KALRN: variants seen among roughly 807,000 people sequenced by gnomAD.
KALRN encodes kalirin RhoGEF kinase.
Under a neutral mutation model 353.7 loss-of-function variants are expected in KALRN, and 70 were observed. That is an observed-to-expected ratio of 0.20 (90% CI 0.16 to 0.24). The LOEUF is 0.24. Ranked by LOEUF, KALRN falls within the 10% of genes least tolerant of loss-of-function variation. KALRN has a pLI of 1.00. For missense variants in KALRN, 2,791 were observed against 3,756.7 expected (o/e 0.74, Z 6.72); for synonymous variants, 1,391 against 1,434.8 (o/e 0.97, Z 0.69).
intron 1 of KALRN, among the ~76,000 whole-genome samples, chr3:124,199,923 C>A (rs893054093): frequency 6.6e-5 from 10 of 152,174 alleles, no homozygotes; most frequent in African/African-American, 2.4e-4. Context: ...AGCATCCTAC[C>A]AAGATGCATG....
At chr3:124,193,157 G>A (rs1352370165) in intron 1 of KALRN, among the ~76,000 whole-genome samples, 1 of 152,178 alleles carries the variant, frequency 6.6e-6, no homozygotes, top group Non-Finnish European at 1.5e-5. Flanking sequence ...GCCAACCCCT[G>A]TAGACTGCAT....
intron 33 of KALRN, among the ~76,000 whole-genome samples, chr3:124,517,682 C>G (rs1250639860): frequency 2.0e-5 from 3 of 152,182 alleles, no homozygotes; most frequent in African/African-American, 7.2e-5. Context: ...CTCGTTCACT[C>G]TCTCACTCAG....
intron 27 of KALRN, among the ~76,000 whole-genome samples, chr3:124,479,319 C>G (rs930814846): frequency 6.6e-6 from 1 of 152,196 alleles, no homozygotes; most frequent in Non-Finnish European, 1.5e-5. Context: ...AGCCACAAAA[C>G]CAGTCCAGTA....
At chr3:124,357,565 C>T (rs1039798864) in intron 10 of KALRN, among the ~76,000 whole-genome samples, 3 of 152,214 alleles carry the variant, frequency 2.0e-5, no homozygotes, top group Non-Finnish European at 2.9e-5. Context: ...AGTCTCAATG[C>T]TGTCTCCTTA....
Position 124,214,168 on chromosome 3 carries a change from CACACAA to C in KALRN, c.74-13816_74-13811del, listed in dbSNP as rs1275994497. 2.0e-5 allele frequency among the ~76,000 whole-genome samples: 3 copies of C among 152,058 alleles called. No individual in the cohort carries two copies. The East Asian group carries it at 5.8e-4, about 29-fold the overall frequency. On this transcript the variant is annotated intron_variant, in intron 1 of 59. Transcript: ENST00000682506. ...TGTATATATATATGGTTTTTATACACACACAAACACAGACACTGTATGCACAATTGA... is the reference window on the plus strand; with the variant it reads ...TGTATATATATATGGTTTTTATACACACACAGACACTGTATGCACAATTGA...
chr3:124,411,433 CTTTTTTTTTTTT>C (rs61485429), intron 13 of KALRN, among the ~76,000 whole-genome samples: 20 of 51,480 alleles, frequency 3.9e-4, no homozygotes, highest in African/African-American at 8.8e-4. Flanking sequence ...TTAAATTATG[CTTTTTTTTTTTT>C]TTTTTTTTTT....
intron 10 of KALRN, chr3:124,384,589 C>A (rs529773510): frequency 5.4e-6 from 2 of 371,884 alleles, no homozygotes; most frequent in African/African-American, 4.1e-5. Context: ...TCTCTACGCT[C>A]TCCCCACTTC....
chr3:124,688,698 A>C (rs1176857689), intron 51 of KALRN, among the ~76,000 whole-genome samples: 1 of 152,156 alleles, frequency 6.6e-6, no homozygotes, highest in African/African-American at 2.4e-5. Context: ...GAATTTGGGA[A>C]AAATGGGAGT....
intron 20 of KALRN, 121 bp downstream of exon 20, chr3:124,446,397 A>G: frequency 1.5e-6 from 1 of 688,692 alleles, no homozygotes; most frequent in Non-Finnish European, 2.5e-6. Flanking sequence ...GGGAATAAAG[A>G]AGAAAGAAAG....
chr3:124,049,185 G>A (rs530978556), intron 1 of KALRN, among the ~76,000 whole-genome samples: 10 of 152,306 alleles, frequency 6.6e-5, no homozygotes, highest in Middle Eastern at 3.4e-3. Flanking sequence ...CAAAAAAGCC[G>A]CATCTGTTCT....
intron 34 of KALRN, among the ~76,000 whole-genome samples, chr3:124,625,758 G>A (rs60805524): frequency 0.35 from 53,352 of 151,666 alleles, 10,780 homozygotes; most frequent in African/African-American, 0.56. Context: ...ACAAAATTAT[G>A]ATGTAGCCTA....
At chr3:124,548,460 C>T (rs1204237945) in intron 33 of KALRN, among the ~76,000 whole-genome samples, 5 of 152,186 alleles carry the variant, frequency 3.3e-5, no homozygotes, top group Non-Finnish European at 5.9e-5. Context: ...CCATCTCTTA[C>T]AGCTATCAAA....
chr3:124,175,919 C>G (rs1483462846), intron 1 of KALRN, among the ~76,000 whole-genome samples: 1 of 152,196 alleles, frequency 6.6e-6, no homozygotes, highest in Non-Finnish European at 1.5e-5. Flanking sequence ...AACTCAGCCT[C>G]TCCTTCAAGA....
intron 33 of KALRN, among the ~76,000 whole-genome samples, chr3:124,506,998 G>A (rs1287394324): frequency 6.6e-6 from 1 of 152,136 alleles, no homozygotes; most frequent in African/African-American, 2.4e-5. Flanking sequence ...AGCACACACA[G>A]CACCCTCGTT....
chr3:124,720,443 A>C lies in KALRN; in HGVS notation c.*973A>C, dbSNP rs1171803185. ...CAGTTCCTATGAACAACGTACCAAC[A>C]CTTTCTGATTTCTTCTACAGCTGTA... On this transcript the variant is annotated 3_prime_UTR_variant, in exon 60 of 60. Coordinates refer to ENST00000682506, the MANE Select transcript of KALRN (RefSeq NM_001388419.1). The C allele has an allele frequency of 6.6e-6, 1 of 152,612 alleles. No individual in the cohort carries two copies. Among genetic ancestry groups the C allele is most frequent in the Non-Finnish European group, 1.5e-5 (1 of 68,030 alleles). 9.5% of individuals were successfully genotyped at this position (152,612 alleles called of 1,614,324 possible).
intron 6 of KALRN, among the ~76,000 whole-genome samples, chr3:124,323,034 G>A (rs1169463574): frequency 2.6e-5 from 4 of 152,176 alleles, no homozygotes; most frequent in Non-Finnish European, 5.9e-5. Context: ...CTTCTTTTGT[G>A]AGGCATAATT....
intron 15 of KALRN, among the ~76,000 whole-genome samples, chr3:124,430,385 T>C (rs1005103345): frequency 6.6e-6 from 1 of 152,202 alleles, no homozygotes; most frequent in Non-Finnish European, 1.5e-5. Context: ...CCACATTAAG[T>C]AATGTTTACA....
intron 10 of KALRN, among the ~76,000 whole-genome samples, chr3:124,351,004 A>G (rs2082776963): frequency 6.6e-6 from 1 of 152,162 alleles, no homozygotes; most frequent in South Asian, 2.1e-4. Flanking sequence ...GTTAGTCCAC[A>G]TAGGAAAACC....
chr3:124,536,235 C>G (rs930584323), intron 33 of KALRN, among the ~76,000 whole-genome samples: 3 of 132,712 alleles, frequency 2.3e-5, no homozygotes, highest in African/African-American at 8.7e-5. Flanking sequence ...GAGTTTCACA[C>G]TTGTCACCAA....
Sources: gnomAD v4.1 joint callset for allele counts (sites outside exome capture counted in the v4.1 genomes callset) on GRCh38, gnomAD v4.1.1 for gene constraint, MANE v1.5 for transcripts, NCBI Gene and HGNC (gene_info 2026-07-23, HGNC 2026-07-21) for gene names.